LINGO1: variants seen among roughly 807,000 people sequenced by gnomAD.
LINGO1 encodes the protein leucine rich repeat and Ig domain containing 1.
A neutral mutation model predicts 37.3 loss-of-function variants in LINGO1; 11 were observed. That is an observed-to-expected ratio of 0.29 (90% CI 0.19 to 0.49). The LOEUF is 0.49. Ranked by LOEUF, LINGO1 falls within the 20% of genes least tolerant of loss-of-function variation. LINGO1 has a pLI of 0.99. For synonymous variants in LINGO1, 387 were observed against 403.0 expected (o/e 0.96, Z 0.48); for missense variants, 585 against 878.2 (o/e 0.67, Z 4.22).
chr15:77,767,932 C>T (rs117844359), intron 1 of LINGO1, among the ~76,000 whole-genome samples: 1 of 152,170 alleles, frequency 6.6e-6, no homozygotes, highest in Non-Finnish European at 1.5e-5. Context: ...CAAAAAGCAG[C>T]AAATAAGCCA....
intron 1 of LINGO1, among the ~76,000 whole-genome samples, chr15:77,782,242 CACACGTGCCCGCATACACAT>C (rs1368989129): frequency 1.4e-5 from 2 of 141,138 alleles, no homozygotes; most frequent in Non-Finnish European, 3.2e-5. Flanking sequence ...CACACACACA[CACACGTGCCCGCATACACAT>C]GTGCGTCAGC....
At chr15:77,800,621 A>G (rs2076910575) in intron 1 of LINGO1, among the ~76,000 whole-genome samples, 1 of 152,246 alleles carries the variant, frequency 6.6e-6, no homozygotes, top group South Asian at 2.1e-4. Flanking sequence ...TAAAATTCTT[A>G]TTTGAAATGA....
At chr15:77,798,752 T>C (rs2076893526) in intron 1 of LINGO1, among the ~76,000 whole-genome samples, 1 of 152,220 alleles carries the variant, frequency 6.6e-6, no homozygotes, top group East Asian at 1.9e-4. Context: ...TCTTGGCTCC[T>C]TGCCACCCCA....
chr15:77,713,438 T>C (rs563813481), intron 2 of LINGO1, among the ~76,000 whole-genome samples: 3 of 152,036 alleles, frequency 2.0e-5, no homozygotes, highest in East Asian at 1.9e-4. Flanking sequence ...TCCATCTATG[T>C]AACACTCATG....
chr15:77,720,388 G>A (rs961814821), intron 2 of LINGO1, among the ~76,000 whole-genome samples: 12 of 152,176 alleles, frequency 7.9e-5, no homozygotes, highest in African/African-American at 2.9e-4. Context: ...GCCTGCATCC[G>A]CCCCCACGTG....
chr15:77,659,815 C>T (rs1567498378), intron 3 of LINGO1, among the ~76,000 whole-genome samples: 1 of 130,334 alleles, frequency 7.7e-6, no homozygotes, highest in Non-Finnish European at 1.5e-5. Context: ...ACCAGGCAGC[C>T]TGACCTTGAA....
intron 3 of LINGO1, among the ~76,000 whole-genome samples, chr15:77,642,842 A>G (rs8036942): frequency 3.4e-3 from 512 of 152,352 alleles, no homozygotes; most frequent in African/African-American, 0.012. Flanking sequence ...CTCTTCTCCC[A>G]GGGGTCCTCT....
At chr15:77,800,767 A>G (rs1033135283) in intron 1 of LINGO1, among the ~76,000 whole-genome samples, 9 of 152,252 alleles carry the variant, frequency 5.9e-5, no homozygotes, top group Non-Finnish European at 1.2e-4. Flanking sequence ...AAACAAAGTT[A>G]AAAGGCAAAT....
chr15:77,805,854 C>T (rs1224445790), intron 1 of LINGO1, among the ~76,000 whole-genome samples: 5 of 152,206 alleles, frequency 3.3e-5, no homozygotes. Flanking sequence ...GGGCCAAGGA[C>T]TCACAGGAGG....
chr15:77,744,068 G>A (rs150254567), intron 1 of LINGO1, among the ~76,000 whole-genome samples: 6 of 152,198 alleles, frequency 3.9e-5, no homozygotes, highest in African/African-American at 9.6e-5. Flanking sequence ...AGAACTCACC[G>A]TGGGCAGAGC....
At chr15:77,777,996 G>A (rs1215662637) in intron 1 of LINGO1, among the ~76,000 whole-genome samples, 2 of 152,076 alleles carry the variant, frequency 1.3e-5, no homozygotes. Context: ...AGGGAGGGGA[G>A]GGGAGGAAAG....
chr15:77,728,790 A>G (rs2076127827), intron 2 of LINGO1, among the ~76,000 whole-genome samples: 1 of 152,176 alleles, frequency 6.6e-6, no homozygotes, highest in Admixed American at 6.5e-5. Context: ...CAAGTTTCTC[A>G]TCCTCTGTCT....
At chr15:77,737,960 C>A (rs1408673231) in intron 1 of LINGO1, among the ~76,000 whole-genome samples, 1 of 152,142 alleles carries the variant, frequency 6.6e-6, no homozygotes, top group Non-Finnish European at 1.5e-5. Context: ...CTCCTGAATG[C>A]CAGTTCGTGT....
intron 3 of LINGO1, among the ~76,000 whole-genome samples, chr15:77,675,083 C>A (rs914429672): frequency 1.3e-5 from 2 of 152,110 alleles, no homozygotes; most frequent in African/African-American, 4.8e-5. Context: ...AGAGTAAAAT[C>A]ATTTTTATCT....
At chr15:77,675,051 T>G (rs2075306868) in intron 3 of LINGO1, among the ~76,000 whole-genome samples, 1 of 152,048 alleles carries the variant, frequency 6.6e-6, no homozygotes, top group Non-Finnish European at 1.5e-5. Flanking sequence ...ATGCTCAACC[T>G]CATTAGCAGT....
intron 1 of LINGO1, among the ~76,000 whole-genome samples, chr15:77,618,728 TA>T (rs1567455496): frequency 9.5e-5 from 2 of 21,112 alleles, no homozygotes; most frequent in African/African-American, 2.0e-4. Context: ...TAGCTGGGAC[TA>T]CAGGCGCCCG....
intron 1 of LINGO1, among the ~76,000 whole-genome samples, chr15:77,818,502 G>A (rs967003203): frequency 3.3e-5 from 5 of 152,230 alleles, no homozygotes; most frequent in Non-Finnish European, 5.9e-5. Context: ...CACCAGGCCG[G>A]CAGACCTGGA....
At chr15:77,760,510 G>A (rs891587736) in intron 1 of LINGO1, among the ~76,000 whole-genome samples, 7 of 152,244 alleles carry the variant, frequency 4.6e-5, no homozygotes, top group African/African-American at 1.7e-4. Flanking sequence ...TGGAAAAGTT[G>A]AATCTGGCCA....
rs2073621183 is a variant in LINGO1, at chr15:77,614,518, C to T, written c.1389G>A (p.Lys463=). 3.7e-6 allele frequency: 6 copies of T among 1,610,734 alleles called. No homozygotes were observed. The highest frequency in any genetic ancestry group is 1.3e-5 in the African/African-American group (1 of 74,942). Residue 463 remains lysine, a synonymous_variant, in exon 2 of 2, where the codon AAG becomes AAA. Coordinates refer to ENST00000355300, the MANE Select transcript of LINGO1 (RefSeq NM_032808.7). ...PPAILWLSPR[K]HLVSAKSNGR... is the part of the protein sequence containing the mutation. ...CATTGCTCTTGGCTGAGACCAGGTG[C>T]TTTCGGGGTGAGAGCCAGAGGATGG...
Sources: allele counts gnomAD v4.1 joint callset (sites outside exome capture counted in the v4.1 genomes callset), GRCh38; gene constraint gnomAD v4.1.1; transcripts MANE v1.5; gene names NCBI Gene and HGNC (gene_info 2026-07-23, HGNC 2026-07-21).